The following NCKAP5 variants were observed in gnomAD, a reference collection of about 807,000 sequenced individuals.
The protein encoded by NCKAP5 is nck-associated protein 5.
Under a neutral mutation model 167.0 loss-of-function variants are expected in NCKAP5, and 92 were observed. That is an observed-to-expected ratio of 0.55 (90% confidence interval 0.47 to 0.66). The LOEUF (loss-of-function observed/expected upper bound fraction) is 0.66. NCKAP5 is among the 30% of genes least tolerant of loss of function. NCKAP5 has a pLI of 0.00. For missense variants in NCKAP5, 2,378 were observed against 2,315.0 expected, an observed-to-expected ratio of 1.03 and a Z score of -0.56; for synonymous variants, 891 against 877.4, an observed-to-expected ratio of 1.02 and a Z score of -0.27.
At chr2:133,100,884 T>C (rs1231723003) in intron 6 of NCKAP5, among the ~76,000 whole-genome samples, 9 of 152,248 alleles carry the variant, frequency 5.9e-5, no homozygotes, top group African/African-American at 1.9e-4. Context: ...ATTTTTACTA[T>C]ATGCAGAAGC....
At chr2:133,133,923 T>G (rs1225040764) in intron 5 of NCKAP5, among the ~76,000 whole-genome samples, 5 of 152,186 alleles carry the variant, frequency 3.3e-5, no homozygotes, top group African/African-American at 4.8e-5. Context: ...AGTCTCCCAC[T>G]TTTTTCCCCT....
the NCKAP5 span, among the ~76,000 whole-genome samples, chr2:133,581,541 C>G: frequency 6.6e-6 from 1 of 152,124 alleles, no homozygotes. Context: ...CAGGGCTGGG[C>G]CTCCAGGTGA....
At chr2:133,538,125 A>G (rs1335543958) in intron 2 of NCKAP5, among the ~76,000 whole-genome samples, 1 of 152,194 alleles carries the variant, frequency 6.6e-6, no homozygotes. Context: ...ATAAAGCCAC[A>G]TTTTAATTTT....
At chr2:133,615,414 G>T in the NCKAP5 span, among the ~76,000 whole-genome samples, 1 of 152,004 alleles carries the variant, frequency 6.6e-6, no homozygotes, top group Non-Finnish European at 1.5e-5. Context: ...CATCTCATGT[G>T]CAGAGACACA....
intron 6 of NCKAP5, among the ~76,000 whole-genome samples, chr2:132,994,562 T>C (rs948088205): frequency 3.9e-5 from 6 of 152,190 alleles, no homozygotes; most frequent in African/African-American, 1.4e-4. Context: ...ACATCAATCT[T>C]CCCAAAAAAC....
intron 8 of NCKAP5, among the ~76,000 whole-genome samples, chr2:132,955,775 C>T (rs1401993619): frequency 6.6e-6 from 1 of 152,204 alleles, no homozygotes; most frequent in Non-Finnish European, 1.5e-5. Flanking sequence ...CTCCCAAAAA[C>T]AGTGTAAAGG....
chr2:133,052,356 G>A (rs1379576256), intron 6 of NCKAP5, among the ~76,000 whole-genome samples: 1 of 152,172 alleles, frequency 6.6e-6, no homozygotes, highest in Non-Finnish European at 1.5e-5. Context: ...GGGATAAAGG[G>A]TTGGTTTTCT....
intron 3 of NCKAP5, among the ~76,000 whole-genome samples, chr2:133,462,394 T>TTG (rs547938368): frequency 7.2e-4 from 109 of 152,362 alleles, no homozygotes; most frequent in Middle Eastern, 3.4e-3. Flanking sequence ...TTCCTTGTTT[T>TTG]TGTGCCGGCT....
intron 5 of NCKAP5, among the ~76,000 whole-genome samples, chr2:133,171,685 T>C (rs1384633039): frequency 1.3e-5 from 2 of 152,182 alleles, no homozygotes; most frequent in African/African-American, 4.8e-5. Context: ...GCTCCAGAAA[T>C]ATATGTCAAC....
intron 3 of NCKAP5, among the ~76,000 whole-genome samples, chr2:133,444,538 G>A (rs1691076557): frequency 6.9e-6 from 1 of 145,668 alleles, no homozygotes; most frequent in African/African-American, 2.6e-5. Context: ...CAAACAAGAG[G>A]TTAGTGAACC....
the NCKAP5 span, among the ~76,000 whole-genome samples, chr2:133,664,645 G>A: frequency 7.2e-5 from 11 of 152,010 alleles, no homozygotes; most frequent in East Asian, 1.9e-4. Flanking sequence ...GATTACAGGC[G>A]CACACCACCA....
At chr2:133,044,761 A>AG (rs1258535683) in intron 6 of NCKAP5, among the ~76,000 whole-genome samples, 2 of 152,194 alleles carry the variant, frequency 1.3e-5, no homozygotes, top group Non-Finnish European at 2.9e-5. Context: ...CATGCGCTTA[A>AG]GGAGACATGA....
intron 3 of NCKAP5, among the ~76,000 whole-genome samples, chr2:133,308,989 C>T (rs1027643725): frequency 3.3e-5 from 5 of 151,676 alleles, no homozygotes; most frequent in Non-Finnish European, 5.9e-5. Flanking sequence ...GGATTACAGG[C>T]GTGAGCCACC....
chr2:132,712,811 G>T (rs1688992776), intron 19 of NCKAP5, among the ~76,000 whole-genome samples: 1 of 151,956 alleles, frequency 6.6e-6, no homozygotes, highest in African/African-American at 2.4e-5. Flanking sequence ...GGGATAAGCA[G>T]CAGAGAACAA....
intron 1 of NCKAP5, among the ~76,000 whole-genome samples, chr2:133,560,646 C>A (rs2105015413): frequency 6.6e-6 from 1 of 152,198 alleles, no homozygotes; most frequent in East Asian, 1.9e-4. Context: ...CTCTGGACTA[C>A]CCTGCTCCTC....
At chr2:132,961,259 G>A (rs991009889) in intron 8 of NCKAP5, among the ~76,000 whole-genome samples, 1 of 151,522 alleles carries the variant, frequency 6.6e-6, no homozygotes, top group Non-Finnish European at 1.5e-5. Flanking sequence ...AAAAAATTAA[G>A]TAGCATATAA....
chr2:133,142,767 ACCATAAG>A (rs2083048243), intron 5 of NCKAP5, among the ~76,000 whole-genome samples: 1 of 152,102 alleles, frequency 6.6e-6, no homozygotes, highest in Admixed American at 6.6e-5. Flanking sequence ...GATCCAGCTT[ACCATAAG>A]CCTTTGTCGC....
chr2:132,910,053 A>G (rs1051766071), intron 8 of NCKAP5, among the ~76,000 whole-genome samples: 5 of 152,238 alleles, frequency 3.3e-5, no homozygotes, highest in African/African-American at 1.2e-4. Flanking sequence ...ACGTGGAGTC[A>G]GTATTCAGAC....
At chr2:133,466,042 T>C (rs1477657731) in intron 3 of NCKAP5, among the ~76,000 whole-genome samples, 1 of 151,520 alleles carries the variant, frequency 6.6e-6, no homozygotes, top group Non-Finnish European at 1.5e-5. Context: ...TTTTGTCTTT[T>C]GTTGCCATTG....
Sources: gnomAD v4.1 joint callset for allele counts (sites outside exome capture counted in the v4.1 genomes callset) on GRCh38, gnomAD v4.1.1 for gene constraint, MANE v1.5 for transcripts, NCBI Gene and HGNC (gene_info 2026-07-23, HGNC 2026-07-21) for gene names.